Variants in CSMD1 observed in about 807,000 individuals in gnomAD.
The protein encoded by CSMD1 is CUB and sushi domain-containing protein 1.
In CSMD1, 213 loss-of-function variants were observed where a neutral mutation model predicts 417.5. The observed-to-expected ratio is 0.51, with a 90% CI of 0.46 to 0.57. CSMD1 has a LOEUF of 0.57. Ranked by LOEUF, CSMD1 falls within the 20% of genes least tolerant of loss-of-function variation. The probability of loss-of-function intolerance (pLI) is 0.00; values close to 1 mark genes in which losing one functional copy is unlikely to be tolerated. For missense variants in CSMD1, 6,923 were observed against 4,529.7 expected, an observed-to-expected ratio of 1.53 and a Z score of -15.17; for synonymous variants, 2,862 against 1,736.8, an observed-to-expected ratio of 1.65 and a Z score of -16.11.
At chr8:3,096,746 T>A (rs1304332665) in intron 47 of CSMD1, 103 bp downstream of exon 47, 2 of 814,990 alleles carry the variant, frequency 2.5e-6, no homozygotes, top group Non-Finnish European at 3.8e-6. Flanking sequence ...AAACATAAGT[T>A]AACTCAAGAA....
chr8:3,248,409 C>G (rs1585788276), intron 26 of CSMD1, among the ~76,000 whole-genome samples: 3 of 151,850 alleles, frequency 2.0e-5, no homozygotes, highest in East Asian at 3.9e-4. Context: ...TCCTTTAAAA[C>G]TGGAGTTTCA....
At chr8:4,030,842 G>C (rs538824829) in intron 4 of CSMD1, among the ~76,000 whole-genome samples, 1 of 152,072 alleles carries the variant, frequency 6.6e-6, no homozygotes, top group African/African-American at 2.4e-5. Context: ...TGAATGCTTT[G>C]CTGCTTAGAA....
chr8:4,629,143 C>T (rs1049325480), intron 2 of CSMD1, among the ~76,000 whole-genome samples: 1 of 152,120 alleles, frequency 6.6e-6, no homozygotes, highest in African/African-American at 2.4e-5. Flanking sequence ...CATTCCTTTA[C>T]ATTTATTTTG....
At chr8:4,374,570 A>G (rs1234891322) in intron 3 of CSMD1, among the ~76,000 whole-genome samples, 1 of 152,160 alleles carries the variant, frequency 6.6e-6, no homozygotes, top group African/African-American at 2.4e-5. Flanking sequence ...ACTGTCCAGG[A>G]ATGAGCCATG....
At position 3,898,601 on chromosome 8, in the gene CSMD1, G is replaced by A. The variant is rs186217237; in HGVS notation, c.818+99302C>T. ...AGATAGAAAAAAGATTTGCCTGGGG[G>A]CTGAATGTTTACTAAATCAAAGGTG... is the stretch of plus-strand genomic sequence containing the variant. On this transcript the variant is annotated intron_variant, in intron 5 of 69. Coordinates refer to ENST00000635120, the MANE Select transcript of CSMD1 (RefSeq NM_033225.6). 6.3e-3 allele frequency among the ~76,000 whole-genome samples: 965 copies of A among 152,266 alleles called. 6 individuals are homozygous for A. Among genetic ancestry groups the A allele is most frequent in the Admixed American group, 7.8e-3 (120 of 15,298 alleles).
intron 7 of CSMD1, among the ~76,000 whole-genome samples, chr8:3,665,701 A>G (rs1277651349): frequency 6.6e-6 from 1 of 152,178 alleles, no homozygotes; most frequent in Non-Finnish European, 1.5e-5. Context: ...ATGTGAAACC[A>G]TCGCTACATA....
At chr8:3,103,184 T>C (rs1452621125) in intron 46 of CSMD1, among the ~76,000 whole-genome samples, 2 of 152,204 alleles carry the variant, frequency 1.3e-5, no homozygotes, top group African/African-American at 2.4e-5. Flanking sequence ...AGGAGGTACA[T>C]AAGCTCTAAA....
chr8:4,306,154 G>T (rs955561413), intron 3 of CSMD1, among the ~76,000 whole-genome samples: 3 of 151,124 alleles, frequency 2.0e-5, no homozygotes. Context: ...TTAGAAGAAA[G>T]AGTACTGGTT....
At chr8:3,680,190 C>G (rs1175665433) in intron 7 of CSMD1, among the ~76,000 whole-genome samples, 2 of 151,948 alleles carry the variant, frequency 1.3e-5, no homozygotes, top group Non-Finnish European at 1.5e-5. Flanking sequence ...CAGATCAGAG[C>G]AGAAATGAAG....
At chr8:4,483,153 G>A (rs920487101) in intron 2 of CSMD1, among the ~76,000 whole-genome samples, 1 of 152,044 alleles carries the variant, frequency 6.6e-6, no homozygotes, top group African/African-American at 2.4e-5. Context: ...GAGATCCGAT[G>A]GTTTGATAAG....
intron 3 of CSMD1, among the ~76,000 whole-genome samples, chr8:4,248,873 C>A (rs561137643): frequency 4.0e-4 from 60 of 150,924 alleles, no homozygotes; most frequent in African/African-American, 1.4e-3. Context: ...AGTCACTCAA[C>A]AGTTTTCTGT....
chr8:3,551,085 A>C (rs1404400194), intron 10 of CSMD1, among the ~76,000 whole-genome samples: 1 of 152,178 alleles, frequency 6.6e-6, no homozygotes, highest in African/African-American at 2.4e-5. Context: ...ATGGCAGAAC[A>C]AGGTAGCAGT....
At position 3,001,745 on chromosome 8, in the gene CSMD1, T is replaced by C. The variant is rs886611347; in HGVS notation, c.8030-1614A>G. Among the ~76,000 whole-genome samples the C allele has an allele frequency of 3.5e-4, 54 of 152,186 alleles. 4 individuals are homozygous for C. ...AACAGCTACAGAAGCCTTCAGTCCA[T>C]GCAAAATATCAAGGCGGAGACTTTC... On this transcript the variant is annotated intron_variant, in intron 52 of 69. Transcript: ENST00000635120.
rs543977053 is a variant in CSMD1 at position 3,062,784 on chromosome 8, G to C, written c.7475-10137C>G. On this transcript the variant is annotated intron_variant, in intron 49 of 69. Transcript: ENST00000635120. The stretch of plus-strand genomic sequence containing the variant: ...CTAATTATTACAGTGAAAGGCTCTG[G>C]CTTGGCAAATAAAGCCTCTAGAATG... 3.3e-5 allele frequency among the ~76,000 whole-genome samples: 5 copies of C among 152,296 alleles called. No homozygotes were observed. In the South Asian group the frequency reaches 1.0e-3, roughly 32 times the overall value.
chr8:3,375,848 C>G (rs1810272203), intron 18 of CSMD1, among the ~76,000 whole-genome samples: 1 of 152,160 alleles, frequency 6.6e-6, no homozygotes, highest in African/African-American at 2.4e-5. Context: ...TCACACCCCT[C>G]AATCCTCCAG....
intron 7 of CSMD1, among the ~76,000 whole-genome samples, chr8:3,673,810 A>G (rs1799216197): frequency 6.6e-6 from 1 of 152,168 alleles, no homozygotes; most frequent in Admixed American, 6.5e-5. Context: ...GGAGTGCAAC[A>G]CGCCATCATT....
chr8:4,633,026 C>T (rs1802613734), intron 2 of CSMD1, among the ~76,000 whole-genome samples: 1 of 152,008 alleles, frequency 6.6e-6, no homozygotes, highest in South Asian at 2.1e-4. Context: ...GTCATGGGTA[C>T]TAGAACTGTT....
intron 2 of CSMD1, among the ~76,000 whole-genome samples, chr8:4,463,099 A>G (rs1021281054): frequency 6.6e-6 from 1 of 152,220 alleles, no homozygotes; most frequent in Non-Finnish European, 1.5e-5. Context: ...TCAGCAATAA[A>G]AAGACAAATT....
rs182837756 is a variant in CSMD1 at position 3,415,131 on chromosome 8, T to C, written c.1562-5526A>G. ...CACATTTACATACTAAATTGTATTT[T>C]AATTGACAAATTTAAATTGTATATA... On this transcript the variant is annotated intron_variant, in intron 12 of 69. Coordinates refer to ENST00000635120, the MANE Select transcript of CSMD1 (RefSeq NM_033225.6). Among the ~76,000 whole-genome samples the C allele has an allele frequency of 2.0e-5, 3 of 152,344 alleles. No individual in the cohort carries two copies. In the East Asian group the frequency reaches 5.8e-4, roughly 29 times the overall value.
Sources: gnomAD v4.1 joint callset for allele counts (sites outside exome capture counted in the v4.1 genomes callset) on GRCh38, gnomAD v4.1.1 for gene constraint, MANE v1.5 for transcripts, NCBI Gene and HGNC (gene_info 2026-07-23, HGNC 2026-07-21) for gene names.